The following CDH23 variants were observed in gnomAD, a reference collection of about 807,000 sequenced individuals.
CDH23 encodes the protein cadherin-23.
In CDH23, 189 loss-of-function variants were observed where a neutral mutation model predicts 317.1. The observed-to-expected ratio is 0.60, with a 90% CI of 0.53 to 0.67. The LOEUF is 0.67. CDH23 is among the 30% of genes least tolerant of loss of function. The pLI is 0.00. For missense variants in CDH23, 4,401 were observed against 4,592.4 expected (o/e 0.96, Z 1.20); for synonymous variants, 1,839 against 1,876.8 (o/e 0.98, Z 0.52).
intron 3 of CDH23, among the ~76,000 whole-genome samples, chr10:71,449,348 T>TA (rs1850322118): frequency 6.6e-6 from 1 of 152,120 alleles, no homozygotes; most frequent in Admixed American, 6.5e-5. Context: ...GGCTTCTCCT[T>TA]AGACACCCAG....
chr10:71,661,987 G>A (rs886940730), intron 14 of CDH23, among the ~76,000 whole-genome samples: 3 of 148,826 alleles, frequency 2.0e-5, no homozygotes, highest in Admixed American at 1.3e-4. Context: ...GCACCATCAC[G>A]GTGCAGCCCT....
chr10:71,763,299 C>G (rs114324993), intron 38 of CDH23, among the ~76,000 whole-genome samples: 1 of 152,244 alleles, frequency 6.6e-6, no homozygotes, highest in South Asian at 2.1e-4. Flanking sequence ...TGACCCACTA[C>G]GCCCGGCCAG....
chr10:71,465,976 A>G (rs1362990453), intron 3 of CDH23, among the ~76,000 whole-genome samples: 1 of 152,122 alleles, frequency 6.6e-6, no homozygotes, highest in Non-Finnish European at 1.5e-5. Flanking sequence ...GTCTCAAAAG[A>G]GCCTGTGCGT....
At chr10:71,666,538 G>T (rs185095122) in intron 14 of CDH23, among the ~76,000 whole-genome samples, 1 of 152,124 alleles carries the variant, frequency 6.6e-6, no homozygotes, top group Non-Finnish European at 1.5e-5. Context: ...ATCCAGCCCT[G>T]GCTTCCTTCT....
chr10:71,533,524 A>ACCCCCCCC (rs1220569586), intron 6 of CDH23, among the ~76,000 whole-genome samples: 2 of 91,244 alleles, frequency 2.2e-5, no homozygotes, highest in African/African-American at 8.1e-5. Context: ...CTGGCTGGAC[A>ACCCCCCCC]CCACACACAC....
At chr10:71,569,897 T>A (rs55667449) in intron 7 of CDH23, among the ~76,000 whole-genome samples, 8 of 133,876 alleles carry the variant, frequency 6.0e-5, no homozygotes, top group Non-Finnish European at 1.1e-4. Flanking sequence ...TAAAAAAAAA[T>A]TTTTTTTTTG....
intron 6 of CDH23, among the ~76,000 whole-genome samples, chr10:71,524,646 C>T (rs935692528): frequency 7.9e-5 from 12 of 152,110 alleles, no homozygotes; most frequent in African/African-American, 2.2e-4. Flanking sequence ...GGGGATTTTG[C>T]GGTTAAGGAC....
Position 71,723,972 on chromosome 10 carries a change from A to G in CDH23, c.3370-73A>G. The G allele has an allele frequency of 2.0e-6, 3 of 1,513,770 alleles. No individual in the cohort carries two copies. The African/African-American group carries it at 4.1e-5, about 21-fold the overall frequency. The allele number at this position is 1,513,770 out of a possible 1,614,324, so 93.8% of individuals were successfully genotyped here. ...GGGTAGGATGCGTGAAGGGAAGGAA[A>G]GGAACTCTAAAAACCTCTTCTCTCC... On this transcript the variant is annotated intron_variant, in intron 28 of 69. Coordinates refer to ENST00000224721, the MANE Select transcript of CDH23 (RefSeq NM_022124.6).
chr10:71,788,987 C>A lies in CDH23; in HGVS notation c.5868C>A (p.His1956Gln), dbSNP rs1841172413. 1.2e-6 allele frequency: 2 copies of A among 1,602,500 alleles called. No homozygotes were observed. Among genetic ancestry groups the A allele is most frequent in the Non-Finnish European group, 1.7e-6 (2 of 1,169,514 alleles). Residue 1956 changes from histidine to glutamine, a missense_variant, in exon 45 of 70, where the codon CAC (histidine) becomes CAA (glutamine). Physicochemically the swap from His to Gln is conservative, Grantham distance 24. This residue lies in a region of CDH23 where 3,068 missense variants were observed against 3,203.3 expected (regional missense o/e 0.96). Transcript: ENST00000224721. ...LIFLSDENDN[H>Q]PLFTKSTYQA... ...TCCTTTCTGATGAGAATGACAACCA[C>A]CCCCTCTTCACTAAAAGCACCTACC...
At chr10:71,722,381 T>C (rs1414395743) in intron 28 of CDH23, among the ~76,000 whole-genome samples, 1 of 152,238 alleles carries the variant, frequency 6.6e-6, no homozygotes, top group Non-Finnish European at 1.5e-5. Context: ...GAGGCACAGA[T>C]GGGCTCCTGG....
At chr10:71,420,386 A>ATGATGATGATGGTGATGG (rs1228022162) in intron 1 of CDH23, among the ~76,000 whole-genome samples, 6 of 63,292 alleles carry the variant, frequency 9.5e-5, no homozygotes, top group East Asian at 4.7e-4. Flanking sequence ...ATGCACACAC[A>ATGATGATGATGGTGATGG]TGATGATGAT....
chr10:71,534,842 G>GA (rs35790161), intron 6 of CDH23, among the ~76,000 whole-genome samples: 21,343 of 152,198 alleles, frequency 0.14, 1,791 homozygotes, highest in South Asian at 0.21. Flanking sequence ...GGCTTGTGGG[G>GA]ATCTGTGGGA....
At chr10:71,527,437 A>G (rs1253073640) in intron 6 of CDH23, among the ~76,000 whole-genome samples, 3 of 152,198 alleles carry the variant, frequency 2.0e-5, no homozygotes, top group Admixed American at 6.5e-5. Context: ...ATTGGAAGAG[A>G]GCAGCCCAGC....
At chr10:71,650,440 T>C (rs1020425386) in intron 14 of CDH23, among the ~76,000 whole-genome samples, 1 of 152,142 alleles carries the variant, frequency 6.6e-6, no homozygotes, top group African/African-American at 2.4e-5. Context: ...ATGTGAGGTA[T>C]GCTTGTGGGA....
Position 71,645,962 on chromosome 10 carries a change from G to A in CDH23, c.1272G>A (p.Val424=). 1 of 1,612,920 alleles carries A rather than the reference G, an allele frequency of 6.2e-7. No individual in the cohort carries two copies. Among genetic ancestry groups the A allele is most frequent in the Non-Finnish European group, 8.5e-7 (1 of 1,179,514 alleles). The change falls in exon 13 of 70, where the codon GTG becomes GTA. Residue 424 remains valine (V), a synonymous_variant. Coordinates refer to ENST00000224721, the MANE Select transcript of CDH23 (RefSeq NM_022124.6). ...CCATCCCACTGGACTACGAGACCGT[G>A]GACCGCTACGACTTTGATGTAAGGC... ...RVAIPLDYET[V]DRYDFDLFAN...
intron 38 of CDH23, among the ~76,000 whole-genome samples, chr10:71,746,182 G>A (rs1839849663): frequency 6.6e-6 from 1 of 152,240 alleles, no homozygotes; most frequent in African/African-American, 2.4e-5. Context: ...AGAGTGCTAG[G>A]AGCCTGGAAG....
intron 52 of CDH23, among the ~76,000 whole-genome samples, chr10:71,800,429 G>A (rs888341433): frequency 2.6e-5 from 4 of 152,170 alleles, no homozygotes; most frequent in Non-Finnish European, 4.4e-5. Context: ...GTAGCTCCAG[G>A]CTGGGCTGGT....
At chr10:71,518,296 G>A (rs1168696593) in intron 6 of CDH23, among the ~76,000 whole-genome samples, 1 of 152,168 alleles carries the variant, frequency 6.6e-6, no homozygotes, top group African/African-American at 2.4e-5. Context: ...GCCTCCCAGA[G>A]GGCCCTATGA....
At position 71,790,051 on chromosome 10, in the gene CDH23, C is replaced by T. The variant is rs115550807; in HGVS notation, c.5924-237C>T. On this transcript the variant is annotated intron_variant, in intron 45 of 69. Coordinates refer to ENST00000224721, the MANE Select transcript of CDH23 (RefSeq NM_022124.6). ...CAGATGTGGCTCTGGGCAGCCGGGG[C>T]CTTGCTCACCACTCTCATGTTTTCT... is the stretch of plus-strand genomic sequence containing the variant. Among the ~76,000 whole-genome samples, 591 of 152,300 alleles carry T rather than the reference C, an allele frequency of 3.9e-3. 3 individuals carry two copies. The highest frequency in any genetic ancestry group is 0.013 in the African/African-American group (557 of 41,570).
Sources: allele counts gnomAD v4.1 joint callset (sites outside exome capture counted in the v4.1 genomes callset), GRCh38; gene constraint gnomAD v4.1.1; regional missense constraint gnomAD v4.1.1; transcripts MANE v1.5; gene names NCBI Gene and HGNC (gene_info 2026-07-23, HGNC 2026-07-21).